TCERG1L: variants seen among roughly 807,000 people sequenced by gnomAD.
TCERG1L encodes the protein transcription elongation regulator 1 like.
Under a neutral mutation model 56.3 loss-of-function variants are expected in TCERG1L, and 37 were observed. That is an observed-to-expected ratio of 0.66 (90% CI 0.51 to 0.87). The LOEUF is 0.87. Ranked by LOEUF, TCERG1L falls within the 40% of genes least tolerant of loss-of-function variation. The probability of loss-of-function intolerance (pLI) is 0.00; values close to 1 mark genes in which losing one functional copy is unlikely to be tolerated. For synonymous variants in TCERG1L, 324 were observed against 326.3 expected, an observed-to-expected ratio of 0.99 and a Z score of 0.08; for missense variants, 799 against 774.2, an observed-to-expected ratio of 1.03 and a Z score of -0.38.
chr10:131,296,783 TTAA>T (rs1329578683), intron 3 of TCERG1L, among the ~76,000 whole-genome samples: 1 of 152,262 alleles, frequency 6.6e-6, no homozygotes, highest in African/African-American at 2.4e-5. Context: ...ATTTCTTTCA[TTAA>T]TGTTTCATGA....
At chr10:131,132,072 G>C (rs959481518) in intron 8 of TCERG1L, among the ~76,000 whole-genome samples, 1 of 152,222 alleles carries the variant, frequency 6.6e-6, no homozygotes, top group Admixed American at 6.5e-5. Context: ...TGAGCAGGAG[G>C]CGTGCAGGTT....
chr10:131,201,276 G>C (rs1310567506), intron 4 of TCERG1L, among the ~76,000 whole-genome samples: 1 of 152,116 alleles, frequency 6.6e-6, no homozygotes, highest in Non-Finnish European at 1.5e-5. Context: ...CCCCCAGCTG[G>C]GTCCTGCCAC....
chr10:131,144,197 C>T (rs1443293761), intron 7 of TCERG1L, among the ~76,000 whole-genome samples: 1 of 152,156 alleles, frequency 6.6e-6, no homozygotes, highest in Non-Finnish European at 1.5e-5. Flanking sequence ...GACTGAAATG[C>T]TTAATTGTCC....
At chr10:131,235,388 A>G (rs1845902649) in intron 4 of TCERG1L, among the ~76,000 whole-genome samples, 2 of 152,340 alleles carry the variant, frequency 1.3e-5, no homozygotes, top group South Asian at 2.1e-4. Context: ...AGAAAACCAC[A>G]GGGCAGCATC....
At chr10:131,217,965 C>A (rs1171950483) in intron 4 of TCERG1L, among the ~76,000 whole-genome samples, 2 of 152,150 alleles carry the variant, frequency 1.3e-5, no homozygotes, top group Non-Finnish European at 2.9e-5. Flanking sequence ...ACCTCGTGAT[C>A]TGCCCGTCTT....
intron 9 of TCERG1L, among the ~76,000 whole-genome samples, chr10:131,114,713 G>C (rs61862988): frequency 6.6e-6 from 1 of 152,026 alleles, no homozygotes; most frequent in Non-Finnish European, 1.5e-5. Flanking sequence ...AGGGAAGGCC[G>C]GCCTCTCAAG....
chr10:131,150,064 G>C (rs1026038087), intron 6 of TCERG1L, among the ~76,000 whole-genome samples: 1 of 152,124 alleles, frequency 6.6e-6, no homozygotes, highest in Non-Finnish European at 1.5e-5. Flanking sequence ...TCCTAGAAGC[G>C]TCCTTGGCTC....
intron 4 of TCERG1L, among the ~76,000 whole-genome samples, chr10:131,201,896 T>A (rs980226440): frequency 2.0e-5 from 3 of 152,156 alleles, no homozygotes; most frequent in Admixed American, 2.0e-4. Flanking sequence ...CCATCGACCT[T>A]CCTCAGAGAC....
At position 131,093,369 on chromosome 10, in the gene TCERG1L, TCC is replaced by T. The variant is rs1025957276; in HGVS notation, c.1605-53_1605-52del. On this transcript the variant is annotated intron_variant, in intron 11 of 11. Transcript: ENST00000368642. ...CACCTTCCAGAGAGCAACTCTGGCC[TCC>T]CCAGAGATCCTGCAGCGGCACCGCC... 9 of 1,577,484 alleles carry T rather than the reference TCC, an allele frequency of 5.7e-6. No individual in the cohort carries two copies. In the East Asian group the frequency reaches 1.8e-4, roughly 31 times the overall value.
chr10:131,109,653 C>T (rs1364391743), intron 9 of TCERG1L, among the ~76,000 whole-genome samples: 6 of 152,164 alleles, frequency 3.9e-5, no homozygotes, highest in Admixed American at 2.6e-4. Context: ...ACTGTCCCTC[C>T]GCCCTGTCTG....
chr10:131,136,950 G>A (rs1371956970), intron 7 of TCERG1L, among the ~76,000 whole-genome samples: 1 of 149,078 alleles, frequency 6.7e-6, no homozygotes, highest in Admixed American at 6.7e-5. Flanking sequence ...GACCAGCCTG[G>A]CCAACATGGT....
rs368937115 is a variant in TCERG1L at position 131,166,167 on chromosome 10, C to T, written c.945+630G>A. Among the ~76,000 whole-genome samples, 8 of 152,238 alleles carry T rather than the reference C, an allele frequency of 5.3e-5. No individual in the cohort carries two copies. The South Asian group carries it at 8.3e-4, about 16-fold the overall frequency. ...GCAAAACCAGGGAGAACAGAAAGCT[C>T]GCAGTGTGGCTTTAGGCAGAGAAAT... On this transcript the variant is annotated intron_variant, in intron 5 of 11. Transcript: ENST00000368642.
chr10:131,123,704 C>T (rs1845536110), intron 8 of TCERG1L, among the ~76,000 whole-genome samples: 2 of 152,060 alleles, frequency 1.3e-5, no homozygotes, highest in Admixed American at 1.3e-4. Context: ...CTTGCCCGGC[C>T]AGGGGCCGCT....
In TCERG1L at chr10:131,098,815, C is replaced by T. The variant is rs941780420; in HGVS notation, c.1486-391G>A. ...CCCTCTGAGCAGCATCTGTAACGCG[C>T]GGCCTCCCACTGCCTCATCACGGCC... On this transcript the variant is annotated intron_variant, in intron 10 of 11. Transcript: ENST00000368642. Among the ~76,000 whole-genome samples the T allele has an allele frequency of 2.6e-4, 40 of 152,192 alleles. 1 individual carries two copies. Among genetic ancestry groups the T allele is most frequent in the African/African-American group, 6.8e-4 (28 of 41,456 alleles).
intron 4 of TCERG1L, among the ~76,000 whole-genome samples, chr10:131,189,145 AAG>A (rs1267133789): frequency 6.6e-6 from 1 of 152,236 alleles, no homozygotes. Flanking sequence ...ATTGTTGTAA[AAG>A]AAAGTCTGCT....
rs1429635754 is a variant in TCERG1L at position 131,260,409 on chromosome 10, G to C, written c.706C>G (p.Pro236Ala). The change falls in exon 4 of 12, where the codon CCC becomes GCC. Residue 236 changes from proline to alanine, a missense_variant. Transcript: ENST00000368642. The surrounding 1 kb of genome is among the most constrained non-coding windows in gnomAD (Gnocchi z 5.8). ...CHNSLKVTSSPAIAIATAAAA... is the reference protein window; with the variant it reads ...CHNSLKVTSSAAIAIATAAAA... ...GCGGCGGTGGCGATGGCAATGGCGG[G>C]GCTGCTGGTCACCTTAAGGCTGTTA... The C allele has an allele frequency of 6.8e-7, 1 of 1,466,756 alleles. No homozygotes were observed. Among genetic ancestry groups the C allele is most frequent in the Non-Finnish European group, 8.9e-7 (1 of 1,117,634 alleles). 90.9% of individuals were successfully genotyped at this position (1,466,756 alleles called of 1,614,324 possible). A position where few individuals can be genotyped will look rare whatever the true frequency, so the allele number is the denominator to read the frequency against.
chr10:131,155,143 C>T (rs1291288836), intron 6 of TCERG1L, among the ~76,000 whole-genome samples: 1 of 152,130 alleles, frequency 6.6e-6, no homozygotes, highest in Non-Finnish European at 1.5e-5. Context: ...TGGGTGGGGA[C>T]GTCCCTGCAC....
intron 7 of TCERG1L, among the ~76,000 whole-genome samples, chr10:131,139,717 T>C (rs1845714509): frequency 6.6e-6 from 1 of 152,052 alleles, no homozygotes; most frequent in Non-Finnish European, 1.5e-5. Context: ...TGTGTCTGTG[T>C]GTATGTGTGC....
At chr10:131,253,127 G>A (rs113544892) in intron 4 of TCERG1L, among the ~76,000 whole-genome samples, 45 of 152,296 alleles carry the variant, frequency 3.0e-4, no homozygotes, top group African/African-American at 9.9e-4. Flanking sequence ...CCTGCCAGGC[G>A]GACCCAGCTG....
Sources: gnomAD v4.1 joint callset for allele counts (sites outside exome capture counted in the v4.1 genomes callset) on GRCh38, gnomAD v4.1.1 for gene constraint, Gnocchi (gnomAD v3.1) non-coding constraint, MANE v1.5 for transcripts, NCBI Gene and HGNC (gene_info 2026-07-23, HGNC 2026-07-21) for gene names.